PPP1R16B: variants seen among roughly 807,000 people sequenced by gnomAD.
PPP1R16B encodes the protein protein phosphatase 1 regulatory inhibitor subunit 16B.
Under a neutral mutation model 61.7 loss-of-function variants are expected in PPP1R16B, and 14 were observed. That is an observed-to-expected ratio of 0.23 (90% confidence interval 0.15 to 0.35). The LOEUF (loss-of-function observed/expected upper bound fraction) is 0.35, where lower values mean the gene tolerates loss of function less well. PPP1R16B is among the 10% of genes least tolerant of loss of function. PPP1R16B has a pLI of 1.00. For missense variants in PPP1R16B, 547 were observed against 752.5 expected (o/e 0.73, Z 3.19); for synonymous variants, 266 against 305.3 (o/e 0.87, Z 1.34).
At chr20:38,900,463 TG>T in intron 4 of PPP1R16B, 117 bp from the exon 5 acceptor site, 1 of 691,676 alleles carries the variant, frequency 1.4e-6, no homozygotes, top group South Asian at 1.9e-5. Context: ...TACACCTTGG[TG>T]GGGTTTTGAG....
intron 2 of PPP1R16B, among the ~76,000 whole-genome samples, chr20:38,879,893 C>G (rs1175200277): frequency 6.6e-6 from 1 of 152,172 alleles, no homozygotes; most frequent in East Asian, 1.9e-4. Flanking sequence ...GTCAGAGATG[C>G]TAGGAGAGGA....
At chr20:38,846,347 C>T (rs1448283823) in intron 2 of PPP1R16B, among the ~76,000 whole-genome samples, 1 of 151,992 alleles carries the variant, frequency 6.6e-6, no homozygotes, top group African/African-American at 2.4e-5. Flanking sequence ...GAGAAGGGAT[C>T]GCAGAGAAGG....
At chr20:38,838,351 C>T (rs776402073) in intron 2 of PPP1R16B, 7 of 152,360 alleles carry the variant, frequency 4.6e-5, no homozygotes, top group Non-Finnish European at 1.0e-4. Context: ...GCACTTCTGG[C>T]CCAAGAGGGT....
chr20:38,870,403 A>T (rs898481127), intron 2 of PPP1R16B, among the ~76,000 whole-genome samples: 1 of 152,174 alleles, frequency 6.6e-6, no homozygotes, highest in Non-Finnish European at 1.5e-5. Context: ...GTGAAGGAGT[A>T]AGCAAGGTGC....
At chr20:38,837,740 A>C (rs1184125856) in intron 2 of PPP1R16B, among the ~76,000 whole-genome samples, 2 of 151,564 alleles carry the variant, frequency 1.3e-5, no homozygotes, top group Non-Finnish European at 2.9e-5. Context: ...TAGGGATGGG[A>C]TTTCGCCATG....
chr20:38,865,854 G>A (rs2085087087), intron 2 of PPP1R16B, among the ~76,000 whole-genome samples: 1 of 152,264 alleles, frequency 6.6e-6, no homozygotes, highest in East Asian at 1.9e-4. Context: ...GGCCAGGGGC[G>A]ATGCCTCACA....
chr20:38,811,526 T>C (rs1284250881), intron 1 of PPP1R16B, among the ~76,000 whole-genome samples: 3 of 152,250 alleles, frequency 2.0e-5, no homozygotes, highest in Non-Finnish European at 4.4e-5. Flanking sequence ...AATGCTTGGC[T>C]TCCAAGCTGT....
intron 2 of PPP1R16B, among the ~76,000 whole-genome samples, chr20:38,846,268 T>C (rs2084935251): frequency 2.0e-5 from 3 of 152,138 alleles, no homozygotes; most frequent in African/African-American, 7.2e-5. Flanking sequence ...ATCAGCATGA[T>C]ACAAGTGCAG....
chr20:38,879,508 G>C (rs2085190723), intron 2 of PPP1R16B, among the ~76,000 whole-genome samples: 2 of 152,156 alleles, frequency 1.3e-5, no homozygotes, highest in Admixed American at 1.3e-4. Flanking sequence ...GGCCTACTTT[G>C]TACATCAGTT....
chr20:38,914,384 G>A (rs1428550584), intron 10 of PPP1R16B, among the ~76,000 whole-genome samples: 1 of 152,066 alleles, frequency 6.6e-6, no homozygotes, highest in East Asian at 1.9e-4. Flanking sequence ...CACAAAATGT[G>A]GGGGTTTTGT....
At chr20:38,870,467 C>A (rs1460142176) in intron 2 of PPP1R16B, among the ~76,000 whole-genome samples, 3 of 152,090 alleles carry the variant, frequency 2.0e-5, no homozygotes, top group African/African-American at 7.2e-5. Context: ...TCAGGTGGGT[C>A]CCTCTGAGGA....
chr20:38,913,408 G>T (rs926037893), intron 10 of PPP1R16B, among the ~76,000 whole-genome samples: 1 of 150,920 alleles, frequency 6.6e-6, no homozygotes, highest in Non-Finnish European at 1.5e-5. Flanking sequence ...AACTACAGGC[G>T]CACGCCACCA....
intron 1 of PPP1R16B, among the ~76,000 whole-genome samples, chr20:38,819,488 A>C (rs747568903): frequency 1.3e-5 from 2 of 152,174 alleles, no homozygotes; most frequent in Non-Finnish European, 2.9e-5. Flanking sequence ...CAAAAAAGAT[A>C]AACTAAAAAA....
intron 2 of PPP1R16B, among the ~76,000 whole-genome samples, chr20:38,838,867 C>T (rs967855299): frequency 3.9e-5 from 6 of 152,182 alleles, no homozygotes; most frequent in African/African-American, 9.7e-5. Flanking sequence ...ATCAGTGCCC[C>T]GCAGCCCTGC....
intron 2 of PPP1R16B, among the ~76,000 whole-genome samples, chr20:38,877,654 TA>T (rs1347645542): frequency 6.6e-5 from 10 of 152,172 alleles, no homozygotes; most frequent in Admixed American, 1.3e-4. Context: ...CTTTGCTGAT[TA>T]TGCAGTTCAT....
intron 7 of PPP1R16B, 76 bp downstream of exon 7, chr20:38,906,170 A>C (rs772508858): frequency 8.4e-5 from 126 of 1,495,792 alleles, no homozygotes; most frequent in Non-Finnish European, 1.1e-4. Context: ...TTGGGCTGGC[A>C]GTTGTTTTCA....
At chr20:38,913,780 G>A (rs1192355408) in intron 10 of PPP1R16B, among the ~76,000 whole-genome samples, 1 of 152,210 alleles carries the variant, frequency 6.6e-6, no homozygotes, top group Non-Finnish European at 1.5e-5. Context: ...CTGGTGGTCA[G>A]CCCATTTCCA....
Position 38,889,480 on chromosome 20 carries a change from G to C in PPP1R16B, c.251-115G>C, listed in dbSNP as rs1303702289. The C allele has an allele frequency of 8.1e-6, 7 of 859,446 alleles. No individual in the cohort carries two copies. The Admixed American group carries it at 1.3e-4, about 17-fold the overall frequency. 53.2% of individuals were successfully genotyped at this position (859,446 alleles called of 1,614,324 possible). ...TCAGTTGTCTCATCTGTAAAATGGG[G>C]AGTTGTTACTACATTCTTCATAGGC... On this transcript the variant is annotated intron_variant, in intron 2 of 10. Transcript: ENST00000299824.
rs1057180256 is a variant in PPP1R16B at position 38,906,299 on chromosome 20, T to G, written c.822+205T>G. Among the ~76,000 whole-genome samples the G allele has an allele frequency of 9.8e-5, 14 of 142,680 alleles. 1 individual carries two copies. The highest frequency in any genetic ancestry group is 5.5e-4 in the Admixed American group (8 of 14,438). 93.6% of individuals were successfully genotyped at this position (142,680 alleles called of 152,430 possible). A position where few individuals can be genotyped will look rare whatever the true frequency, so the allele number is the denominator to read the frequency against. On this transcript the variant is annotated intron_variant, in intron 7 of 10. Coordinates refer to ENST00000299824, the MANE Select transcript of PPP1R16B (RefSeq NM_015568.4). ...GCAAGTTGTGTTTTTTTTTTTTTTT[T>G]TTTTTTTTTTTTGAGATGGAGTCTT...
Sources: gnomAD v4.1 joint callset for allele counts (sites outside exome capture counted in the v4.1 genomes callset) on GRCh38, gnomAD v4.1.1 for gene constraint, MANE v1.5 for transcripts, NCBI Gene and HGNC (gene_info 2026-07-23, HGNC 2026-07-21) for gene names.